Variants in DNAH14 observed in about 807,000 individuals in gnomAD.
DNAH14 encodes dynein axonemal heavy chain 14.
In DNAH14, 478 loss-of-function variants were observed where a neutral mutation model predicts 520.9. That is an observed-to-expected ratio of 0.92 (90% CI 0.85 to 0.99). The LOEUF (loss-of-function observed/expected upper bound fraction) is 0.99. Among genes scored for constraint, DNAH14 ranks in the 50% least tolerant of loss-of-function variants. The pLI is 0.00. For synonymous variants in DNAH14, 1,581 were observed against 1,757.2 expected, an observed-to-expected ratio of 0.90 and a Z score of 2.51; for missense variants, 4,831 against 5,234.5, an observed-to-expected ratio of 0.92 and a Z score of 2.38.
At chr1:225,298,439 T>C (rs139166989) in intron 55 of DNAH14, among the ~76,000 whole-genome samples, 1 of 152,326 alleles carries the variant, frequency 6.6e-6, no homozygotes, top group East Asian at 1.9e-4. Context: ...TCACCCTAAA[T>C]GGGACTGCCA....
chr1:225,230,657 A>T (rs1397505845), intron 41 of DNAH14, among the ~76,000 whole-genome samples: 1 of 152,152 alleles, frequency 6.6e-6, no homozygotes, highest in Non-Finnish European at 1.5e-5. Flanking sequence ...TTGTTTTAAT[A>T]AATTTGTTAC....
intron 9 of DNAH14, among the ~76,000 whole-genome samples, chr1:225,004,303 T>C (rs745307660): frequency 1.1e-4 from 16 of 152,212 alleles, no homozygotes; most frequent in Non-Finnish European, 2.1e-4. Context: ...ATTAGCAAAG[T>C]ATAAGGTAAG....
chr1:225,128,119 G>T (rs9663018), intron 27 of DNAH14, among the ~76,000 whole-genome samples: 49,452 of 151,910 alleles, frequency 0.33, 14,223 homozygotes, highest in African/African-American at 0.77. Context: ...TAACCCGACC[G>T]TTCTCTCTGG....
intron 60 of DNAH14, among the ~76,000 whole-genome samples, chr1:225,311,939 G>A (rs1473645430): frequency 6.6e-6 from 1 of 151,918 alleles, no homozygotes; most frequent in Non-Finnish European, 1.5e-5. Flanking sequence ...CTGTTTTTTG[G>A]TTCCATATGA....
rs759082488 is a variant in DNAH14, at chr1:225,259,241, TA to T, written c.7152del (p.Lys2384AsnfsTer5). On this transcript the variant is annotated frameshift_variant, in exon 46 of 86. Coordinates refer to ENST00000682510, the MANE Select transcript of DNAH14 (RefSeq NM_001367479.1). LOFTEE classifies it high-confidence loss of function. ...ILGDTLLYSE[I>X]KKSSSLKQNI... ...GGAGACACCCTATTATATAGTGAAATAAAAAAATCAAGGTTGTATATACTAA... is the reference window on the plus strand; with the variant it reads ...GGAGACACCCTATTATATAGTGAAATAAAAAATCAAGGTTGTATATACTAA... 2 of 1,487,134 alleles carry T rather than the reference TA, an allele frequency of 1.3e-6. No homozygotes were observed. Among genetic ancestry groups the T allele is most frequent in the South Asian group, 1.4e-5 (1 of 74,062 alleles). The allele number at this position is 1,487,134 out of a possible 1,614,324, so 92.1% of individuals were successfully genotyped here.
chr1:225,214,682 A>G (rs1338673470), intron 41 of DNAH14, among the ~76,000 whole-genome samples: 2 of 152,120 alleles, frequency 1.3e-5, no homozygotes, highest in Non-Finnish European at 2.9e-5. Context: ...TAGATTTTCT[A>G]GTTTATTTGC....
chr1:225,253,518 T>C (rs2092630799), intron 44 of DNAH14, among the ~76,000 whole-genome samples: 1 of 152,144 alleles, frequency 6.6e-6, no homozygotes, highest in Non-Finnish European at 1.5e-5. Context: ...AACCGCAATA[T>C]GATAAATTGT....
chr1:225,110,360 ATT>A (rs200677004), intron 23 of DNAH14, among the ~76,000 whole-genome samples: 12,288 of 151,778 alleles, frequency 0.081, 1,587 homozygotes, highest in African/African-American at 0.28. Context: ...ATTACTTGTT[ATT>A]AGTCTGTTCA....
intron 38 of DNAH14, among the ~76,000 whole-genome samples, chr1:225,198,100 TC>T (rs1199559676): frequency 6.6e-6 from 1 of 152,198 alleles, no homozygotes; most frequent in Non-Finnish European, 1.5e-5. Flanking sequence ...AGAGTGGGCA[TC>T]CTTGTCTAGC....
chr1:225,007,392 C>A, intron 9 of DNAH14, 21 bp from the exon 10 acceptor site: 1 of 1,485,818 alleles, frequency 6.7e-7, no homozygotes, highest in South Asian at 1.4e-5. Context: ...TAACACTGAA[C>A]ATTTACTATC....
At chr1:225,228,521 C>G (rs1574142840) in intron 41 of DNAH14, among the ~76,000 whole-genome samples, 1 of 152,014 alleles carries the variant, frequency 6.6e-6, no homozygotes, top group South Asian at 2.1e-4. Context: ...TTCTAGAATC[C>G]CTAATCGCCG....
chr1:225,069,131 T>A (rs924580673), intron 17 of DNAH14, among the ~76,000 whole-genome samples: 4 of 152,192 alleles, frequency 2.6e-5, no homozygotes, highest in African/African-American at 9.6e-5. Flanking sequence ...AGTGGAGTTT[T>A]CTAAATATCG....
At position 225,273,103 on chromosome 1, in the gene DNAH14, G is replaced by A. The variant is rs1294725128; in HGVS notation, c.7988G>A (p.Arg2663Lys). ...AGCCTTTTCTATCGGTTGCTTTCAA[G>A]GGAACTTGAGAACTGTTTTCAGGTA... ...DKSLFYRLLS[R>K]ELENCFQIQW... The change falls in exon 52 of 86, where the codon AGG becomes AAG. Residue 2663 changes from arginine (R) to lysine (K), a missense_variant. Physicochemically the swap from Arg to Lys is conservative, Grantham distance 26 (BLOSUM62 2). Coordinates refer to ENST00000682510, the MANE Select transcript of DNAH14 (RefSeq NM_001367479.1). 6.5e-7 allele frequency: 1 copy of A among 1,549,376 alleles called. No individual in the cohort carries two copies. Among genetic ancestry groups the A allele is most frequent in the Non-Finnish European group, 8.7e-7 (1 of 1,146,472 alleles).
At chr1:225,394,360 T>A (rs2095972400) in intron 84 of DNAH14, among the ~76,000 whole-genome samples, 2 of 152,208 alleles carry the variant, frequency 1.3e-5, no homozygotes, top group Admixed American at 1.3e-4. Context: ...ACTTTCTTAA[T>A]GGTGTCTTTT....
chr1:225,246,182 A>T lies in DNAH14; in HGVS notation c.6748+5360A>T, dbSNP rs181727478. Among the ~76,000 whole-genome samples, 8 of 152,230 alleles carry T rather than the reference A, an allele frequency of 5.3e-5. No homozygotes were observed. In the East Asian group the frequency reaches 1.5e-3, roughly 29 times the overall value. On this transcript the variant is annotated intron_variant, in intron 43 of 85. Coordinates refer to ENST00000682510, the MANE Select transcript of DNAH14 (RefSeq NM_001367479.1). ...GGGAAAACTGGCTAGCCATATGCAG[A>T]AAACTGAAACTGGACCCCTTCCTTA...
intron 81 of DNAH14, among the ~76,000 whole-genome samples, chr1:225,383,215 A>G (rs2095801575): frequency 6.6e-6 from 1 of 152,230 alleles, no homozygotes; most frequent in Non-Finnish European, 1.5e-5. Flanking sequence ...CAATGAAGTT[A>G]TTTTTAAAAC....
At position 225,360,092 on chromosome 1, in the gene DNAH14, C is replaced by T. The variant is rs541916261; in HGVS notation, c.11777-589C>T. Among the ~76,000 whole-genome samples, 7 of 152,260 alleles carry T rather than the reference C, an allele frequency of 4.6e-5. No individual in the cohort carries two copies. The South Asian group carries it at 8.3e-4, about 18-fold the overall frequency. On this transcript the variant is annotated intron_variant, in intron 74 of 85. Transcript: ENST00000682510. ...CAGTTCCCACTTATAGGTGAGAACA[C>T]GTAGTGTTTGGTTTTCTGTTCCTGT...
At chr1:224,936,192 G>C (rs1455655739) in intron 1 of DNAH14, among the ~76,000 whole-genome samples, 3 of 151,628 alleles carry the variant, frequency 2.0e-5, no homozygotes, top group African/African-American at 7.3e-5. Context: ...CCCCAAATTA[G>C]TAGAAGAAAA....
At chr1:225,187,742 A>C (rs1209138769) in intron 37 of DNAH14, among the ~76,000 whole-genome samples, 1 of 151,716 alleles carries the variant, frequency 6.6e-6, no homozygotes, top group East Asian at 1.9e-4. Flanking sequence ...CCATTTGTGT[A>C]TCTTCTCTGG....
Sources: gnomAD v4.1 joint callset for allele counts (sites outside exome capture counted in the v4.1 genomes callset) on GRCh38, gnomAD v4.1.1 for gene constraint, MANE v1.5 for transcripts, NCBI Gene and HGNC (gene_info 2026-07-23, HGNC 2026-07-21) for gene names.